The following LARGE1 variants were observed in gnomAD, a reference collection of about 807,000 sequenced individuals.
LARGE1 encodes the protein LARGE xylosyl- and glucuronyltransferase 1, also known as xylosyl- and glucuronyltransferase LARGE1.
Under a neutral mutation model 87.6 loss-of-function variants are expected in LARGE1, and 43 were observed. The ratio of observed to expected loss-of-function variants is 0.49; its 90% CI spans 0.38 to 0.63. The LOEUF is 0.63. LARGE1 is among the 30% of genes least tolerant of loss of function. LARGE1 has a pLI of 0.00. For synonymous variants in LARGE1, 434 were observed against 394.6 expected (o/e 1.10, Z -1.18); for missense variants, 802 against 1,000.2 (o/e 0.80, Z 2.67).
intron 1 of LARGE1, among the ~76,000 whole-genome samples, chr22:33,839,003 G>A (rs1170727242): frequency 6.6e-6 from 1 of 152,174 alleles, no homozygotes; most frequent in Non-Finnish European, 1.5e-5. Context: ...TTCAGAAATA[G>A]CCCAGTCCAT....
intron 7 of LARGE1, among the ~76,000 whole-genome samples, chr22:33,408,851 A>G (rs920755110): frequency 6.6e-6 from 1 of 152,202 alleles, no homozygotes; most frequent in African/African-American, 2.4e-5. Flanking sequence ...TTAAAAAAGA[A>G]AACCAATGTT....
intron 11 of LARGE1, among the ~76,000 whole-genome samples, chr22:33,190,430 G>C (rs1200723159): frequency 1.3e-5 from 2 of 152,144 alleles, no homozygotes; most frequent in Non-Finnish European, 2.9e-5. Flanking sequence ...GCAATATGGC[G>C]GTTCCTGCTC....
At chr22:33,779,619 A>C (rs1370765719) in intron 1 of LARGE1, among the ~76,000 whole-genome samples, 1 of 152,018 alleles carries the variant, frequency 6.6e-6, no homozygotes, top group Middle Eastern at 3.2e-3. Context: ...ATCTCTACTC[A>C]AAATACAAAA....
At chr22:33,247,019 T>C (rs1926791570) in intron 11 of LARGE1, among the ~76,000 whole-genome samples, 1 of 150,670 alleles carries the variant, frequency 6.6e-6, no homozygotes, top group Non-Finnish European at 1.5e-5. Flanking sequence ...ACTGTGAAAA[T>C]TTTTACTATG....
chr22:33,559,615 C>G (rs1043399394), intron 6 of LARGE1, among the ~76,000 whole-genome samples: 1 of 152,210 alleles, frequency 6.6e-6, no homozygotes. Context: ...ACTCTTAACG[C>G]CATTGCACTG....
intron 2 of LARGE1, among the ~76,000 whole-genome samples, chr22:33,678,510 A>C (rs368591254): frequency 6.6e-5 from 10 of 152,226 alleles, no homozygotes; most frequent in African/African-American, 2.4e-4. Flanking sequence ...AAAGTGCACT[A>C]GGAAGATGCT....
chr22:33,810,436 G>A (rs1000212707), intron 1 of LARGE1, among the ~76,000 whole-genome samples: 8 of 152,154 alleles, frequency 5.3e-5, no homozygotes, highest in Non-Finnish European at 1.2e-4. Flanking sequence ...ACCATGGTGT[G>A]GTGGTTCTCA....
intron 5 of LARGE1, among the ~76,000 whole-genome samples, chr22:33,589,904 T>C (rs1463508901): frequency 6.9e-6 from 1 of 145,256 alleles, no homozygotes; most frequent in Non-Finnish European, 1.5e-5. Flanking sequence ...GTTTCTGATA[T>C]GTAGTTCCGC....
intron 12 of LARGE1, among the ~76,000 whole-genome samples, chr22:33,287,642 T>C (rs1174542310): frequency 1.3e-5 from 2 of 152,212 alleles, no homozygotes; most frequent in Non-Finnish European, 1.5e-5. Flanking sequence ...TGGATGGGGC[T>C]TGCTGTCTTA....
intron 11 of LARGE1, among the ~76,000 whole-genome samples, chr22:33,193,046 T>C (rs1923869441): frequency 6.6e-6 from 1 of 152,184 alleles, no homozygotes; most frequent in African/African-American, 2.4e-5. Flanking sequence ...TGTTTTTATT[T>C]TTCACATATA....
chr22:33,305,517 AT>A (rs1934760763), intron 11 of LARGE1: 1 of 904,660 alleles, frequency 1.1e-6, no homozygotes, highest in Non-Finnish European at 1.3e-6. Context: ...GCCTACTTGA[AT>A]TGTTTTTCCT....
At chr22:33,156,905 T>C in the LARGE1 span, among the ~76,000 whole-genome samples, 1 of 152,184 alleles carries the variant, frequency 6.6e-6, no homozygotes. Flanking sequence ...GTTATCATGA[T>C]ATCAAATAAG....
At chr22:33,794,745 G>A (rs907648481) in intron 1 of LARGE1, among the ~76,000 whole-genome samples, 20 of 152,000 alleles carry the variant, frequency 1.3e-4, no homozygotes, top group Admixed American at 5.9e-4. Flanking sequence ...TCAGCCTCCC[G>A]AGTAGCTGGG....
At chr22:33,231,534 T>C (rs1163056675) in intron 11 of LARGE1, among the ~76,000 whole-genome samples, 1 of 152,244 alleles carries the variant, frequency 6.6e-6, no homozygotes, top group Non-Finnish European at 1.5e-5. Context: ...TTTTTATTAG[T>C]ATTTAAATCA....
intron 1 of LARGE1, among the ~76,000 whole-genome samples, chr22:33,812,451 C>T (rs1393076409): frequency 3.9e-5 from 6 of 152,246 alleles, no homozygotes; most frequent in Admixed American, 2.0e-4. Context: ...TTGCATACTG[C>T]GGTGCCTTTT....
rs916967863 is a variant in LARGE1 at position 33,754,898 on chromosome 22, C to G, written c.106+6473G>C. ...CTTCCCAGACCTTCCAGCACACTCT[C>G]TGGGATGAGGGGCTGAGGGATGGGG... On this transcript the variant is annotated intron_variant, in intron 2 of 14. Transcript: ENST00000397394. Among the ~76,000 whole-genome samples, 12 of 152,246 alleles carry G rather than the reference C, an allele frequency of 7.9e-5. No homozygotes were observed. The East Asian group carries it at 2.3e-3, about 29-fold the overall frequency.
intron 4 of LARGE1, among the ~76,000 whole-genome samples, chr22:33,608,334 C>T (rs1240568744): frequency 6.6e-6 from 1 of 152,152 alleles, no homozygotes; most frequent in Non-Finnish European, 1.5e-5. Flanking sequence ...GTTCCCTCTC[C>T]ATGGAATGCC....
chr22:33,699,410 G>C (rs948995363), intron 2 of LARGE1, among the ~76,000 whole-genome samples: 1 of 152,206 alleles, frequency 6.6e-6, no homozygotes, highest in Non-Finnish European at 1.5e-5. Flanking sequence ...TGGAGAACCA[G>C]ATGTGTTTAG....
chr22:33,211,490 A>C (rs932776387), intron 11 of LARGE1, among the ~76,000 whole-genome samples: 4 of 152,120 alleles, frequency 2.6e-5, no homozygotes, highest in Non-Finnish European at 5.9e-5. Flanking sequence ...AAGTGCTGTG[A>C]GGCTGGGCGT....
Sources: allele counts gnomAD v4.1 joint callset (sites outside exome capture counted in the v4.1 genomes callset), GRCh38; gene constraint gnomAD v4.1.1; transcripts MANE v1.5; gene names NCBI Gene and HGNC (gene_info 2026-07-23, HGNC 2026-07-21).